The following PLEKHG1 variants were observed in gnomAD, a reference collection of about 807,000 sequenced individuals.
The protein encoded by PLEKHG1 is pleckstrin homology and RhoGEF domain containing G1.
Under a neutral mutation model 100.8 loss-of-function variants are expected in PLEKHG1, and 44 were observed. That is an observed-to-expected ratio of 0.44 (90% CI 0.34 to 0.56). PLEKHG1 has a LOEUF of 0.56. Among genes scored for constraint, PLEKHG1 ranks in the 20% least tolerant of loss-of-function variants. The pLI, the probability that PLEKHG1 is intolerant of heterozygous loss-of-function variation, is 0.01. For missense variants in PLEKHG1, 1,545 were observed against 1,720.9 expected (o/e 0.90, Z 1.81); for synonymous variants, 640 against 662.5 (o/e 0.97, Z 0.52).
At chr6:150,825,239 A>C (rs1156506423) in intron 14 of PLEKHG1, among the ~76,000 whole-genome samples, 1 of 152,178 alleles carries the variant, frequency 6.6e-6, no homozygotes, top group Admixed American at 6.5e-5. Context: ...TAATGTGCTG[A>C]AGGTATATTA....
Position 150,831,848 on chromosome 6 carries a change from G to A in PLEKHG1, c.2737G>A (p.Ala913Thr), listed in dbSNP as rs200196880. 5.4e-5 allele frequency: 87 copies of A among 1,612,956 alleles called. No individual in the cohort carries two copies. The highest frequency in any genetic ancestry group is 5.0e-4 in the Admixed American group (30 of 59,942). ...GAGCAGGGCTGGCAGAGCCAGCCGC[G>A]CCAACTGCCCCTTTGAGGAAGACCT... Residue 913 changes from alanine to threonine, a missense_variant, in exon 15 of 16, where the codon GCC becomes ACC. Transcript: ENST00000358517. This position sits in a 1 kb window ranked among gnomAD's most constrained non-coding sequence, Gnocchi z 4.1.
chr6:150,661,875 C>T (rs1194012496), intron 3 of PLEKHG1, among the ~76,000 whole-genome samples: 1 of 151,966 alleles, frequency 6.6e-6, no homozygotes, highest in Non-Finnish European at 1.5e-5. Flanking sequence ...ATGTATTGTC[C>T]CCATTTTAAT....
chr6:150,675,610 T>C (rs1345064635), intron 3 of PLEKHG1, among the ~76,000 whole-genome samples: 1 of 152,246 alleles, frequency 6.6e-6, no homozygotes, highest in Non-Finnish European at 1.5e-5. Context: ...AGACGGAGTC[T>C]CCCTCTGTCA....
intron 12 of PLEKHG1, 70 bp downstream of exon 13, chr6:150,819,844 A>T: frequency 1.1e-6 from 1 of 877,472 alleles, no homozygotes; most frequent in Admixed American, 1.7e-5. Flanking sequence ...TTTGAGTCTG[A>T]CAAAAGGGAA....
At chr6:150,816,145 G>A (rs1321172318) in intron 10 of PLEKHG1, among the ~76,000 whole-genome samples, 1 of 152,030 alleles carries the variant, frequency 6.6e-6, no homozygotes, top group African/African-American at 2.4e-5. Context: ...CACCCCAAGT[G>A]TGTTGCTTAT....
chr6:150,772,088 C>T (rs930931531), intron 3 of PLEKHG1, among the ~76,000 whole-genome samples: 1 of 152,204 alleles, frequency 6.6e-6, no homozygotes, highest in Non-Finnish European at 1.5e-5. Flanking sequence ...GTTGGTAAAC[C>T]AGTTCTCCAG....
At chr6:150,809,616 G>A (rs1278221980) in intron 9 of PLEKHG1, 32 bp from the exon 11 acceptor site, 68 of 1,594,510 alleles carry the variant, frequency 4.3e-5, no homozygotes, top group Non-Finnish European at 5.5e-5. Context: ...GTGGAATCAA[G>A]TTGTCTGACT....
intron 2 of PLEKHG1, among the ~76,000 whole-genome samples, chr6:150,644,502 T>G (rs1288552497): frequency 6.6e-6 from 1 of 151,852 alleles, no homozygotes; most frequent in East Asian, 1.9e-4. Context: ...CGGCTAATTT[T>G]TGTATTTTTA....
intron 3 of PLEKHG1, among the ~76,000 whole-genome samples, chr6:150,692,815 A>C (rs1351002346): frequency 6.6e-6 from 1 of 152,206 alleles, no homozygotes; most frequent in Non-Finnish European, 1.5e-5. Context: ...AGTCAAACTG[A>C]AATTAATTAG....
intron 3 of PLEKHG1, among the ~76,000 whole-genome samples, chr6:150,715,691 T>C (rs1252391231): frequency 2.7e-5 from 4 of 150,882 alleles, no homozygotes; most frequent in Non-Finnish European, 5.9e-5. Flanking sequence ...GGTTTTGCCA[T>C]GTAGGCTGGT....
chr6:150,616,031 G>A (rs1284048766), intron 1 of PLEKHG1, among the ~76,000 whole-genome samples: 1 of 152,150 alleles, frequency 6.6e-6, no homozygotes, highest in African/African-American at 2.4e-5. Context: ...GAGGTAACTT[G>A]TCCAAAGACA....
chr6:150,746,412 A>G (rs548332745), intron 2 of PLEKHG1, among the ~76,000 whole-genome samples: 7 of 152,308 alleles, frequency 4.6e-5, no homozygotes, highest in African/African-American at 1.7e-4. Flanking sequence ...CCCTTTACTC[A>G]GACTAGAAGA....
At chr6:150,824,300 G>GT (rs1776467174) in intron 14 of PLEKHG1, among the ~76,000 whole-genome samples, 2 of 152,134 alleles carry the variant, frequency 1.3e-5, no homozygotes, top group African/African-American at 4.8e-5. Flanking sequence ...GACCTGAGTG[G>GT]TTTGTCCAGT....
intron 1 of PLEKHG1, among the ~76,000 whole-genome samples, chr6:150,732,537 A>G (rs1282007507): frequency 6.6e-6 from 1 of 152,228 alleles, no homozygotes. Context: ...ACAGAGTATA[A>G]TCACAAACCT....
At chr6:150,758,705 C>T (rs994985361) in intron 2 of PLEKHG1, among the ~76,000 whole-genome samples, 1 of 152,212 alleles carries the variant, frequency 6.6e-6, no homozygotes, top group Admixed American at 6.5e-5. Flanking sequence ...TTTTGATTTG[C>T]ATTTCTCTAA....
chr6:150,609,628 C>A (rs754993240), intron 1 of PLEKHG1, among the ~76,000 whole-genome samples: 1 of 151,998 alleles, frequency 6.6e-6, no homozygotes, highest in African/African-American at 2.4e-5. Flanking sequence ...TGCAAAGCTA[C>A]GGGAGGATTT....
intron 1 of PLEKHG1, among the ~76,000 whole-genome samples, chr6:150,730,186 C>T (rs9478803): frequency 6.6e-6 from 1 of 151,964 alleles, no homozygotes; most frequent in Non-Finnish European, 1.5e-5. Flanking sequence ...TCTCCGGTTA[C>T]AAAATCAGAA....
chr6:150,791,321 A>G (rs1056377527), intron 4 of PLEKHG1, among the ~76,000 whole-genome samples: 6 of 152,076 alleles, frequency 3.9e-5, no homozygotes, highest in African/African-American at 9.7e-5. Context: ...TTGATTACCA[A>G]TGGAGGAATG....
rs569657468 is a variant in PLEKHG1 at position 150,602,038 on chromosome 6, A to G, written c.-204+2021A>G. On this transcript the variant is annotated intron_variant, in intron 1 of 3. Transcript: ENST00000367326. ...GCAACATAATTTTTCAAAACCAAGA[A>G]TAACCAGTCCTATGTTGTGTTCCCC... Among the ~76,000 whole-genome samples the G allele has an allele frequency of 2.6e-5, 4 of 152,350 alleles. No homozygotes were observed. The South Asian group carries it at 8.3e-4, about 32-fold the overall frequency.
Sources: allele counts gnomAD v4.1 joint callset (sites outside exome capture counted in the v4.1 genomes callset), GRCh38; gene constraint gnomAD v4.1.1; non-coding constraint Gnocchi (gnomAD v3.1); transcripts MANE v1.5; gene names NCBI Gene and HGNC (gene_info 2026-07-23, HGNC 2026-07-21).